DLAT: variants seen among roughly 807,000 people sequenced by gnomAD.
The protein encoded by DLAT is dihydrolipoamide S-acetyltransferase.
Under a neutral mutation model 68.0 loss-of-function variants are expected in DLAT, and 43 were observed. That is an observed-to-expected ratio of 0.63 (90% CI 0.50 to 0.81). DLAT has a LOEUF of 0.81. Among genes scored for constraint, DLAT ranks in the 40% least tolerant of loss-of-function variants. DLAT has a pLI of 0.00. For missense variants in DLAT, 745 were observed against 815.4 expected (o/e 0.91, Z 1.05); for synonymous variants, 265 against 288.6 (o/e 0.92, Z 0.83).
chr11:112,039,058 C>T (rs587729484), intron 6 of DLAT, among the ~76,000 whole-genome samples, 186 bp from the exon 7 acceptor site: 30 of 152,042 alleles, frequency 2.0e-4, no homozygotes, highest in African/African-American at 4.8e-4. Context: ...ATATTGTTCT[C>T]GCTGTTCGTA....
At chr11:112,059,429 G>C (rs1555182946) in intron 11 of DLAT, among the ~76,000 whole-genome samples, 2 of 150,248 alleles carry the variant, frequency 1.3e-5, no homozygotes, top group Non-Finnish European at 2.9e-5. Context: ...GTCTCGCTCT[G>C]CTGCCCAGGC....
chr11:112,029,915 C>T (rs1250920536), intron 4 of DLAT: 23 of 712,156 alleles, frequency 3.2e-5, no homozygotes, highest in Non-Finnish European at 5.9e-5. Flanking sequence ...GAATCTTTCT[C>T]ATCACTAGAA....
chr11:112,033,086 T>C (rs995262465), intron 4 of DLAT, among the ~76,000 whole-genome samples: 1 of 151,904 alleles, frequency 6.6e-6, no homozygotes, highest in South Asian at 2.1e-4. Flanking sequence ...AAAATAAAAA[T>C]AGATGAAAAG....
intron 11 of DLAT, among the ~76,000 whole-genome samples, chr11:112,055,235 A>ATTTTT (rs66865041): frequency 6.6e-5 from 5 of 75,442 alleles, no homozygotes; most frequent in Non-Finnish European, 9.8e-5. Flanking sequence ...GTCAAGGCCT[A>ATTTTT]TTTTTTTTTT....
At chr11:112,027,063 C>T (rs1376118544) in intron 2 of DLAT, among the ~76,000 whole-genome samples, 4 of 150,522 alleles carry the variant, frequency 2.7e-5, no homozygotes, top group East Asian at 2.0e-4. Flanking sequence ...CCCTCCCGGA[C>T]GGGGTGGCTG....
chr11:112,042,162 C>T (rs1334653439), intron 7 of DLAT, among the ~76,000 whole-genome samples: 1 of 152,048 alleles, frequency 6.6e-6, no homozygotes, highest in Non-Finnish European at 1.5e-5. Flanking sequence ...TTTTTGTTAC[C>T]CATAGTCCAG....
At chr11:112,060,744 G>A (rs1178442660) in intron 12 of DLAT, among the ~76,000 whole-genome samples, 1 of 152,170 alleles carries the variant, frequency 6.6e-6, no homozygotes, top group Non-Finnish European at 1.5e-5. Context: ...GGGATTACAG[G>A]TGTGAGCCAC....
chr11:112,027,104 G>T (rs1358115353), intron 2 of DLAT, among the ~76,000 whole-genome samples: 3 of 151,140 alleles, frequency 2.0e-5, no homozygotes, highest in African/African-American at 4.9e-5. Flanking sequence ...CTTCCCAGAC[G>T]GGGTGGCTGC....
At chr11:112,029,864 C>G (rs1555179828) in intron 4 of DLAT, 2 of 617,144 alleles carry the variant, frequency 3.2e-6, no homozygotes, top group Non-Finnish European at 6.3e-6. Context: ...GAGATCACCA[C>G]AGTAGTTTGG....
intron 5 of DLAT, chr11:112,036,978 T>G (rs2137751841): frequency 2.6e-6 from 1 of 381,520 alleles, no homozygotes; most frequent in Middle Eastern, 7.8e-4. Flanking sequence ...ATAGTTTTAT[T>G]GAACAGATTT....
At chr11:112,032,803 C>T (rs1246027874) in intron 4 of DLAT, among the ~76,000 whole-genome samples, 4 of 152,162 alleles carry the variant, frequency 2.6e-5, no homozygotes, top group African/African-American at 4.8e-5. Context: ...CGGTGGCTCA[C>T]GCCTGTAATC....
At chr11:112,030,643 T>C (rs908981134) in intron 4 of DLAT, among the ~76,000 whole-genome samples, 5 of 152,220 alleles carry the variant, frequency 3.3e-5, no homozygotes, top group Non-Finnish European at 5.9e-5. Context: ...TCACTGTTGA[T>C]TGTGCTAACT....
chr11:112,048,391 C>G (rs1417426000), intron 10 of DLAT, among the ~76,000 whole-genome samples: 1 of 152,180 alleles, frequency 6.6e-6, no homozygotes, highest in Non-Finnish European at 1.5e-5. Flanking sequence ...GGTTTTCTAA[C>G]TATACAATCA....
intron 4 of DLAT, among the ~76,000 whole-genome samples, chr11:112,029,204 AACATT>A (rs1592660542): frequency 6.6e-6 from 1 of 152,224 alleles, no homozygotes; most frequent in Non-Finnish European, 1.5e-5. Flanking sequence ...TTCATTCAAG[AACATT>A]ACATTACAGA....
At chr11:112,042,991 G>A (rs1413456788) in intron 7 of DLAT, among the ~76,000 whole-genome samples, 1 of 152,152 alleles carries the variant, frequency 6.6e-6, no homozygotes, top group Non-Finnish European at 1.5e-5. Flanking sequence ...TGTATAAAAG[G>A]AATTCTTTAT....
chr11:112,027,075 C>T (rs1163743516), intron 2 of DLAT, among the ~76,000 whole-genome samples: 53 of 147,610 alleles, frequency 3.6e-4, no homozygotes, highest in African/African-American at 8.8e-4. Flanking sequence ...GGGTGGCTGC[C>T]GGGCGGAGAC....
intron 7 of DLAT, among the ~76,000 whole-genome samples, chr11:112,039,692 G>C (rs1862955703): frequency 6.6e-6 from 1 of 151,882 alleles, no homozygotes; most frequent in Non-Finnish European, 1.5e-5. Context: ...TGTAAAATTT[G>C]GTTATGGGAC....
chr11:112,045,916 T>C lies in DLAT; in HGVS notation c.1344T>C (p.Leu448=), dbSNP rs1555181431. Residue 448 remains leucine, a synonymous_variant, in exon 10 of 14, where the codon CTT becomes CTC. Coordinates refer to ENST00000280346, the MANE Select transcript of DLAT (RefSeq NM_001931.5). ...AGCAAACCATACCTCATTATTACCT[T>C]TCTATCGATGTAAATATGGGAGAAG... ...QSKQTIPHYY[L]SIDVNMGEVL... The C allele has an allele frequency of 1.9e-6, 3 of 1,612,598 alleles. No homozygotes were observed. Among genetic ancestry groups the C allele is most frequent in the South Asian group, 2.2e-5 (2 of 91,028 alleles).
intron 6 of DLAT, among the ~76,000 whole-genome samples, chr11:112,037,745 T>C (rs1184550926): frequency 2.0e-5 from 3 of 151,074 alleles, no homozygotes; most frequent in Non-Finnish European, 4.4e-5. Flanking sequence ...ACAGATACCA[T>C]GCTTGTGGAA....
Sources: gnomAD v4.1 joint callset for allele counts (sites outside exome capture counted in the v4.1 genomes callset) on GRCh38, gnomAD v4.1.1 for gene constraint, MANE v1.5 for transcripts, NCBI Gene and HGNC (gene_info 2026-07-23, HGNC 2026-07-21) for gene names.